Variants in GCLC observed in about 807,000 individuals in gnomAD.
The protein encoded by GCLC is glutamate--cysteine ligase catalytic subunit.
A neutral mutation model predicts 81.5 loss-of-function variants in GCLC; 30 were observed. That is an observed-to-expected ratio of 0.37 (90% CI 0.28 to 0.50). The LOEUF (loss-of-function observed/expected upper bound fraction) is 0.50, where lower values mean the gene tolerates loss of function less well. Among genes scored for constraint, GCLC ranks in the 20% least tolerant of loss-of-function variants. The pLI, the probability that GCLC is intolerant of heterozygous loss-of-function variation, is 0.96. For missense variants in GCLC, 556 were observed against 777.4 expected, an observed-to-expected ratio of 0.72 and a Z score of 3.39; for synonymous variants, 262 against 273.3, an observed-to-expected ratio of 0.96 and a Z score of 0.41.
Position 53,507,617 on chromosome 6 carries a change from G to C in GCLC, c.947C>G (p.Pro316Arg), listed in dbSNP as rs1450483158. Residue 316 changes from proline (P) to arginine (R), a missense_variant and splice_region_variant, in exon 9 of 16, where the codon CCA (proline) becomes CGA (arginine). Pro to Arg is a moderately radical substitution (Grantham distance 103, BLOSUM62 -2). Around this residue, in one of 3 missense-constraint regions of GCLC, gnomAD observed 313 missense variants for 437.3 expected, o/e 0.72. Coordinates refer to ENST00000650454, the MANE Select transcript of GCLC (RefSeq NM_001498.4). ...DRTREERGLE[P>R]LKNNNYRISK... ...GATCCTATAGTTATTGTTCTTCAAT[G>C]GCTAAAGATTAAAAATATATATAAA... is the stretch of plus-strand genomic sequence containing the variant. The C allele has an allele frequency of 7.1e-7, 1 of 1,401,388 alleles. No homozygotes were observed. Among genetic ancestry groups the C allele is most frequent in the Admixed American group, 1.7e-5 (1 of 59,200 alleles). 86.8% of individuals were successfully genotyped at this position (1,401,388 alleles called of 1,614,324 possible). A position where few individuals can be genotyped will look rare whatever the true frequency, so the allele number is the denominator to read the frequency against.
chr6:53,540,121 TCTTA>T (rs1187152469), intron 1 of GCLC, among the ~76,000 whole-genome samples: 1 of 152,184 alleles, frequency 6.6e-6, no homozygotes, highest in African/African-American at 2.4e-5. Context: ...TACATAATAT[TCTTA>T]CTATGGTATG....
Position 53,540,667 on chromosome 6 carries a change from CCACACACA to C in GCLC, c.150+3821_150+3828del, listed in dbSNP as rs35480206. ...GGTAGAGCTCATGTTAAGTGTCTTG[CCACACACA>C]CACACACACACACACACACACACAC... On this transcript the variant is annotated intron_variant, in intron 1 of 15. Coordinates refer to ENST00000650454, the MANE Select transcript of GCLC (RefSeq NM_001498.4). Among the ~76,000 whole-genome samples the C allele has an allele frequency of 6.2e-3, 895 of 143,912 alleles. 6 individuals are homozygous for C. The highest frequency in any genetic ancestry group is 0.022 in the African/African-American group (847 of 39,194). The allele number at this position is 143,912 out of a possible 152,430, so 94.4% of individuals were successfully genotyped here.
intron 5 of GCLC, 25 bp downstream of exon 5, chr6:53,514,414 C>T (rs1202659916): frequency 1.9e-6 from 3 of 1,601,410 alleles, no homozygotes; most frequent in Admixed American, 3.3e-5. Flanking sequence ...CTCTCTCCCA[C>T]CCCACCACCT....
chr6:53,520,278 T>G (rs142817037), intron 3 of GCLC, among the ~76,000 whole-genome samples: 30 of 152,252 alleles, frequency 2.0e-4, no homozygotes, highest in Non-Finnish European at 3.5e-4. Context: ...ACGTTGTTCA[T>G]AGAGCATCGG....
At chr6:53,521,039 T>A in intron 2 of GCLC, 79 bp from the exon 3 acceptor site, 10 of 1,136,368 alleles carry the variant, frequency 8.8e-6, no homozygotes, top group South Asian at 8.6e-5. Context: ...AAAGTTGCTT[T>A]AAAAGTGTAG....
chr6:53,531,787 G>A (rs1318255963), intron 1 of GCLC, among the ~76,000 whole-genome samples: 1 of 152,154 alleles, frequency 6.6e-6, no homozygotes, highest in Non-Finnish European at 1.5e-5. Flanking sequence ...TACCCACCCT[G>A]GTGCCTCCTA....
rs17881238 is a variant in GCLC at position 53,543,202 on chromosome 6, C to T, written c.150+1294G>A. 5.5e-4 allele frequency among the ~76,000 whole-genome samples: 84 copies of T among 152,260 alleles called. 2 individuals are homozygous for T. The East Asian group carries it at 0.014, about 26-fold the overall frequency. ...CAAGCATAATGTCCCTGCCCAATTT[C>T]GTCTTACATTTTCCTGTGACACACA... On this transcript the variant is annotated intron_variant, in intron 1 of 15. Coordinates refer to ENST00000650454, the MANE Select transcript of GCLC (RefSeq NM_001498.4).
chr6:53,534,145 G>A (rs1341199481), intron 1 of GCLC, among the ~76,000 whole-genome samples: 1 of 152,152 alleles, frequency 6.6e-6, no homozygotes, highest in Admixed American at 6.5e-5. Flanking sequence ...CCAGGTCTTC[G>A]ACTCTGATCT....
At chr6:53,511,488 C>T (rs953304562) in intron 6 of GCLC, among the ~76,000 whole-genome samples, 7 of 152,076 alleles carry the variant, frequency 4.6e-5, no homozygotes, top group Non-Finnish European at 7.4e-5. Flanking sequence ...TTTCAACTGG[C>T]TTCTCTTAGA....
chr6:53,498,949 G>T lies in GCLC; in HGVS notation c.1721C>A (p.Ala574Asp). Residue 574 changes from alanine to aspartate, a missense_variant, in exon 16 of 16, where the codon GCC becomes GAC. Ala to Asp is a moderately radical substitution (Grantham distance 126). This residue lies in a region of GCLC where 313 missense variants were observed against 437.3 expected (regional missense o/e 0.72). Coordinates refer to ENST00000650454, the MANE Select transcript of GCLC (RefSeq NM_001498.4). ...KRASGELMTV[A>D]RWMREFIANH... is the part of the protein sequence containing the mutation. ...TGCGATAAACTCCCTCATCCATCTGGCAACTGTCATTAGTTCTCCTGTGGG... is the reference window on the plus strand; with the variant it reads ...TGCGATAAACTCCCTCATCCATCTGTCAACTGTCATTAGTTCTCCTGTGGG... 1 of 1,612,266 alleles carries T rather than the reference G, an allele frequency of 6.2e-7. No homozygotes were observed. The highest frequency in any genetic ancestry group is 8.5e-7 in the Non-Finnish European group (1 of 1,178,616).
At position 53,508,647 on chromosome 6, in the gene GCLC, C is replaced by T; in HGVS notation, c.893G>A (p.Gly298Glu). The change falls in exon 8 of 16, where the codon GGA (glycine) becomes GAA (glutamate). Residue 298 changes from glycine (G) to glutamate (E), a missense_variant. Gly to Glu is a moderately conservative substitution (Grantham distance 98). This residue lies in a region of GCLC where 313 missense variants were observed against 437.3 expected (regional missense o/e 0.72). Transcript: ENST00000650454. ...GYVSDIDCRW[G>E]VISASVDDRT... ...ATCATCTACAGATGCAGAAATCACT[C>T]CCCAGCGACAATCAATGTCTGACAC... The T allele has an allele frequency of 1.9e-6, 3 of 1,613,800 alleles. No individual in the cohort carries two copies. Among genetic ancestry groups the T allele is most frequent in the Non-Finnish European group, 2.5e-6 (3 of 1,179,712 alleles).
intron 10 of GCLC, 95 bp from the exon 11 acceptor site, chr6:53,505,990 C>T: frequency 2.6e-6 from 2 of 772,328 alleles, no homozygotes; most frequent in Non-Finnish European, 4.8e-6. Flanking sequence ...AGACTGCTCA[C>T]TGTCCATACC....
chr6:53,520,868 G>A lies in GCLC; in HGVS notation c.356C>T (p.Thr119Ile), dbSNP rs1317451958. The A allele has an allele frequency of 6.2e-7, 1 of 1,613,728 alleles. No individual in the cohort carries two copies. The highest frequency in any genetic ancestry group is 8.5e-7 in the Non-Finnish European group (1 of 1,179,612). The change falls in exon 3 of 16, where the codon ACA (threonine) becomes ATA (isoleucine). Residue 119 changes from threonine to isoleucine, a missense_variant. Thr to Ile is a moderately conservative substitution (Grantham distance 89). This residue lies in a region of GCLC where 234 missense variants were observed against 303.8 expected (regional missense o/e 0.77). Transcript: ENST00000650454. ...GCGTTTTCGCATGTTGGCCTCAACTGTATTGAACTCGGACATTGTTCCTCC... is the reference window on the plus strand; with the variant it reads ...GCGTTTTCGCATGTTGGCCTCAACTATATTGAACTCGGACATTGTTCCTCC... The part of the protein sequence containing the change: ...PYGGTMSEFN[T>I]VEANMRKRRK...
At chr6:53,500,665 ATT>A in intron 12 of GCLC, 152 bp from the exon 13 acceptor site, 2 of 685,022 alleles carry the variant, frequency 2.9e-6, no homozygotes, top group Non-Finnish European at 5.2e-6. Flanking sequence ...CAGGCTTTTT[ATT>A]TATGTGAGGA....
rs1472627173 is a variant in GCLC, at chr6:53,514,354, C to A, written c.620-17G>T. ...CCTTAAATACTGTATTATAAAAATA[C>A]AAAAATAAAAATGGTTTAGAATCCA... On this transcript the variant is annotated splice_polypyrimidine_tract_variant and intron_variant, in intron 5 of 15. Transcript: ENST00000650454. The A allele has an allele frequency of 1.9e-5, 31 of 1,589,868 alleles. No homozygotes were observed. Among genetic ancestry groups the A allele is most frequent in the Non-Finnish European group, 2.6e-5 (30 of 1,158,302 alleles).
chr6:53,514,985 G>A (rs1764837416), intron 4 of GCLC, among the ~76,000 whole-genome samples: 1 of 152,114 alleles, frequency 6.6e-6, no homozygotes, highest in Admixed American at 6.5e-5. Context: ...CAGGCACACA[G>A]TGGCCACTGA....
intron 6 of GCLC, among the ~76,000 whole-genome samples, chr6:53,512,562 G>A (rs761166896): frequency 1.1e-4 from 16 of 152,048 alleles, no homozygotes; most frequent in East Asian, 1.9e-4. Context: ...CAGGGATTTC[G>A]GTGGTGAATT....
intron 3 of GCLC, among the ~76,000 whole-genome samples, chr6:53,519,496 G>GC (rs1434934839): frequency 7.1e-6 from 1 of 140,278 alleles, no homozygotes; most frequent in South Asian, 2.5e-4. Flanking sequence ...TGCTAGCACA[G>GC]CCCCACTTTG....
rs148060111 is a variant in GCLC at position 53,518,933 on chromosome 6, C to G, written c.446+1845G>C. Among the ~76,000 whole-genome samples, 113 of 152,290 alleles carry G rather than the reference C, an allele frequency of 7.4e-4. 1 individual carries two copies. In the East Asian group the frequency reaches 0.021, roughly 28 times the overall value. The stretch of plus-strand genomic sequence containing the variant: ...AAAAGCCTTGATGTGTCTTCTCTCC[C>G]CAGCAGTTCACTGACTCTGTCATCT... On this transcript the variant is annotated intron_variant, in intron 3 of 15. Coordinates refer to ENST00000650454, the MANE Select transcript of GCLC (RefSeq NM_001498.4).
Sources: allele counts gnomAD v4.1 joint callset (sites outside exome capture counted in the v4.1 genomes callset), GRCh38; gene constraint gnomAD v4.1.1; regional missense constraint gnomAD v4.1.1; transcripts MANE v1.5; gene names NCBI Gene and HGNC (gene_info 2026-07-23, HGNC 2026-07-21).